The following TTC28 variants were observed in gnomAD, a reference collection of about 807,000 sequenced individuals.
The protein encoded by TTC28 is tetratricopeptide repeat domain 28.
Under a neutral mutation model 198.0 loss-of-function variants are expected in TTC28, and 61 were observed. The ratio of observed to expected loss-of-function variants is 0.31; its 90% CI spans 0.25 to 0.38. The LOEUF is 0.38. Among genes scored for constraint, TTC28 ranks in the 10% least tolerant of loss-of-function variants. TTC28 has a pLI of 1.00. For synonymous variants in TTC28, 1,171 were observed against 1,297.8 expected (o/e 0.90, Z 2.10); for missense variants, 2,678 against 3,164.0 (o/e 0.85, Z 3.69).
chr22:28,462,080 A>G (rs1190226850), intron 2 of TTC28, among the ~76,000 whole-genome samples: 1 of 152,206 alleles, frequency 6.6e-6, no homozygotes, highest in African/African-American at 2.4e-5. Context: ...TATCTTTTTA[A>G]GGTAGCAACT....
At position 27,982,733 on chromosome 22, in the gene TTC28, G is replaced by T. The variant is rs1937065168; in HGVS notation, c.6934C>A (p.His2312Asn). 1.3e-6 allele frequency: 2 copies of T among 1,551,590 alleles called. No homozygotes were observed. Among genetic ancestry groups the T allele is most frequent in the Middle Eastern group, 1.7e-4 (1 of 5,992 alleles). Reference sequence around the variant, plus strand: ...GGTGCACTGCCAGCAGGAGACTGGTGGCCGGAGCTTGGGGACATGTTCCTT... The same window carrying T: ...GGTGCACTGCCAGCAGGAGACTGGTTGCCGGAGCTTGGGGACATGTTCCTT... ...SPRNMSPSSGHQSPAGSAPSP... is the reference protein window; with the variant it reads ...SPRNMSPSSGNQSPAGSAPSP... The change falls in exon 23 of 23, where the codon CAC becomes AAC. Residue 2312 changes from histidine to asparagine, a missense_variant. His to Asn is a moderately conservative substitution (Grantham distance 68). Coordinates refer to ENST00000397906, the MANE Select transcript of TTC28 (RefSeq NM_001145418.2). This position sits in a 1 kb window ranked among gnomAD's most constrained non-coding sequence, Gnocchi z 5.2.
chr22:28,559,416 T>G (rs79230955), intron 2 of TTC28, among the ~76,000 whole-genome samples: 1 of 152,256 alleles, frequency 6.6e-6, no homozygotes, highest in East Asian at 1.9e-4. Flanking sequence ...GTTCAATCAT[T>G]TACGAAGTTA....
At chr22:27,984,979 C>T (rs920508399) in intron 22 of TTC28, among the ~76,000 whole-genome samples, 1 of 152,182 alleles carries the variant, frequency 6.6e-6, no homozygotes, top group Non-Finnish European at 1.5e-5. Context: ...CACCTGTCGC[C>T]GCGTTCCCGT....
chr22:28,471,679 A>G (rs2048098057), intron 2 of TTC28, among the ~76,000 whole-genome samples: 1 of 152,184 alleles, frequency 6.6e-6, no homozygotes, highest in South Asian at 2.1e-4. Flanking sequence ...ATGATCAAAT[A>G]GGTTAATATA....
At chr22:28,450,145 G>T (rs535414307) in intron 2 of TTC28, among the ~76,000 whole-genome samples, 1 of 152,198 alleles carries the variant, frequency 6.6e-6, no homozygotes, top group Non-Finnish European at 1.5e-5. Context: ...TAAAGAGATG[G>T]GGGGTCATTG....
chr22:28,591,163 C>T (rs2050429666), intron 2 of TTC28, among the ~76,000 whole-genome samples: 1 of 146,306 alleles, frequency 6.8e-6, no homozygotes, highest in African/African-American at 2.5e-5. Context: ...GGCTAGAGTA[C>T]AGTGGAGTGA....
intron 2 of TTC28, among the ~76,000 whole-genome samples, chr22:28,427,410 T>G (rs557878083): frequency 6.6e-6 from 1 of 152,188 alleles, no homozygotes; most frequent in Non-Finnish European, 1.5e-5. Flanking sequence ...TCCCAGCACT[T>G]TGGGAGGCCG....
intron 5 of TTC28, among the ~76,000 whole-genome samples, chr22:28,282,883 C>T (rs2044611499): frequency 6.6e-6 from 1 of 152,110 alleles, no homozygotes; most frequent in Admixed American, 6.5e-5. Context: ...GAATGATTTG[C>T]AAACATTATC....
At chr22:28,434,653 T>A (rs2047490298) in intron 2 of TTC28, among the ~76,000 whole-genome samples, 1 of 152,132 alleles carries the variant, frequency 6.6e-6, no homozygotes, top group Non-Finnish European at 1.5e-5. Context: ...AAAACAACAG[T>A]CTTACTTATG....
intron 2 of TTC28, among the ~76,000 whole-genome samples, chr22:28,484,069 C>T (rs1176099544): frequency 6.6e-6 from 1 of 152,104 alleles, no homozygotes; most frequent in Non-Finnish European, 1.5e-5. Context: ...TCTCCTATCA[C>T]CCCCAAAGTT....
At chr22:28,472,429 AC>A (rs1016103888) in intron 2 of TTC28, among the ~76,000 whole-genome samples, 177 of 152,220 alleles carry the variant, frequency 1.2e-3, no homozygotes, top group African/African-American at 4.0e-3. Flanking sequence ...GCACTTGATG[AC>A]TTGTCCTGGG....
intron 2 of TTC28, among the ~76,000 whole-genome samples, chr22:28,437,594 G>GA (rs917143373): frequency 6.6e-6 from 1 of 151,482 alleles, no homozygotes; most frequent in Non-Finnish European, 1.5e-5. Flanking sequence ...TTGGGAGTTT[G>GA]TTTTTTTGCT....
chr22:28,563,240 A>G (rs527483817), intron 2 of TTC28, among the ~76,000 whole-genome samples: 4 of 152,346 alleles, frequency 2.6e-5, no homozygotes, highest in African/African-American at 7.2e-5. Context: ...TTGAAAATGT[A>G]TATTTGTCAT....
At chr22:28,139,328 C>G (rs974409965) in intron 6 of TTC28, among the ~76,000 whole-genome samples, 1 of 152,138 alleles carries the variant, frequency 6.6e-6, no homozygotes, top group African/African-American at 2.4e-5. Flanking sequence ...CAACTGCTTC[C>G]AAGACCTGGT....
chr22:28,136,535 G>C (rs1232791321), intron 6 of TTC28, among the ~76,000 whole-genome samples: 1 of 152,176 alleles, frequency 6.6e-6, no homozygotes, highest in Non-Finnish European at 1.5e-5. Flanking sequence ...ACTTGGAGCA[G>C]TCCTCTTCTC....
At chr22:28,452,084 G>C (rs1342463795) in intron 2 of TTC28, among the ~76,000 whole-genome samples, 1 of 152,030 alleles carries the variant, frequency 6.6e-6, no homozygotes, top group Non-Finnish European at 1.5e-5. Flanking sequence ...TTATTGACTT[G>C]TGTGTTTTTA....
intron 2 of TTC28, among the ~76,000 whole-genome samples, chr22:28,334,431 A>T (rs1464180335): frequency 1.3e-5 from 2 of 152,122 alleles, no homozygotes; most frequent in African/African-American, 4.8e-5. Context: ...CGCCACACTG[A>T]TTTCCACAAT....
At chr22:28,246,769 C>CTAT (rs756201268) in intron 5 of TTC28, among the ~76,000 whole-genome samples, 10 of 152,196 alleles carry the variant, frequency 6.6e-5, no homozygotes, top group Admixed American at 4.6e-4. Flanking sequence ...TTCAAAGCTC[C>CTAT]TATTATTCTT....
chr22:28,510,719 T>C (rs2048676235), intron 2 of TTC28, among the ~76,000 whole-genome samples: 1 of 152,094 alleles, frequency 6.6e-6, no homozygotes, highest in South Asian at 2.1e-4. Flanking sequence ...TCAAATTATC[T>C]TCGTTTGCAG....
Sources: gnomAD v4.1 joint callset for allele counts (sites outside exome capture counted in the v4.1 genomes callset) on GRCh38, gnomAD v4.1.1 for gene constraint, Gnocchi (gnomAD v3.1) non-coding constraint, MANE v1.5 for transcripts, NCBI Gene and HGNC (gene_info 2026-07-23, HGNC 2026-07-21) for gene names.